Variants in ESRRB observed in about 807,000 individuals in gnomAD.
ESRRB encodes steroid hormone receptor ERR2.
A neutral mutation model predicts 46.0 loss-of-function variants in ESRRB; 16 were observed. That is an observed-to-expected ratio of 0.35 (90% CI 0.24 to 0.53). The LOEUF is 0.53. ESRRB is among the 20% of genes least tolerant of loss of function. The probability of loss-of-function intolerance (pLI) is 0.93; values close to 1 mark genes in which losing one functional copy is unlikely to be tolerated. For synonymous variants in ESRRB, 246 were observed against 259.6 expected (o/e 0.95, Z 0.50); for missense variants, 488 against 607.4 (o/e 0.80, Z 2.07).
intron 3 of ESRRB, among the ~76,000 whole-genome samples, chr14:76,463,742 C>T (rs1215781777): frequency 2.6e-5 from 4 of 151,950 alleles, no homozygotes; most frequent in East Asian, 1.9e-4. Context: ...CCACCGCACC[C>T]GGCCTCTTTT....
chr14:76,481,360 C>A (rs904061079), intron 3 of ESRRB, among the ~76,000 whole-genome samples: 1 of 152,210 alleles, frequency 6.6e-6, no homozygotes. Flanking sequence ...TAAACTCTCA[C>A]TCCTGGAAGT....
intron 1 of ESRRB, among the ~76,000 whole-genome samples, chr14:76,399,565 A>C (rs1885848145): frequency 6.6e-6 from 1 of 152,190 alleles, no homozygotes; most frequent in South Asian, 2.1e-4. Context: ...TTTAATGTTT[A>C]ATGCAGCCAA....
At chr14:76,410,202 C>T (rs113251735) in intron 1 of ESRRB, among the ~76,000 whole-genome samples, 2,455 of 152,154 alleles carry the variant, frequency 0.016, 71 homozygotes, top group African/African-American at 0.057. Flanking sequence ...CCAGCCTGGG[C>T]GACAGAGCAA....
chr14:76,500,825 TG>T lies in ESRRB; in HGVS notation c.*2371del. 2 of 1,285,380 alleles carry T rather than the reference TG, an allele frequency of 1.6e-6. No homozygotes were observed. Among genetic ancestry groups the T allele is most frequent in the Non-Finnish European group, 2.3e-6 (2 of 880,902 alleles). 79.6% of individuals were successfully genotyped at this position (1,285,380 alleles called of 1,614,324 possible). A position where few individuals can be genotyped will look rare whatever the true frequency, so the allele number is the denominator to read the frequency against. ...TCACTTCAGAGCCCCTCTAGCAGAG[TG>T]GGGCGGAAGTCCTGATGGTTGGTGT... is the stretch of plus-strand genomic sequence containing the variant. On this transcript the variant is annotated 3_prime_UTR_variant, in exon 7 of 7. Transcript: ENST00000644823.
chr14:76,437,509 G>A (rs1271711722), intron 1 of ESRRB, among the ~76,000 whole-genome samples: 2 of 152,214 alleles, frequency 1.3e-5, no homozygotes, highest in Non-Finnish European at 2.9e-5. Flanking sequence ...CCACCCAAGA[G>A]TCGTCTTTCC....
At chr14:76,412,339 A>G (rs1886479334) in intron 1 of ESRRB, among the ~76,000 whole-genome samples, 1 of 152,198 alleles carries the variant, frequency 6.6e-6, no homozygotes. Context: ...GAGTGGAGGT[A>G]GTTCCCTTTC....
chr14:76,479,177 C>T (rs925311194), intron 3 of ESRRB, among the ~76,000 whole-genome samples: 2 of 152,220 alleles, frequency 1.3e-5, no homozygotes, highest in East Asian at 1.9e-4. Context: ...AGGAAGACAG[C>T]GGAGACTGCT....
intron 1 of ESRRB, among the ~76,000 whole-genome samples, chr14:76,398,366 C>T (rs1885788945): frequency 6.6e-6 from 1 of 152,186 alleles, no homozygotes; most frequent in African/African-American, 2.4e-5. Flanking sequence ...CTGGACACAC[C>T]TGCAGAAGAC....
At chr14:76,447,007 A>C (rs1888174571) in intron 2 of ESRRB, among the ~76,000 whole-genome samples, 1 of 152,068 alleles carries the variant, frequency 6.6e-6, no homozygotes, top group Non-Finnish European at 1.5e-5. Context: ...TTATTGAGAA[A>C]CTAGAACTCC....
chr14:76,412,800 G>A (rs527837607), intron 1 of ESRRB, among the ~76,000 whole-genome samples: 2 of 152,328 alleles, frequency 1.3e-5, no homozygotes, highest in Admixed American at 1.3e-4. Context: ...AAAGGTGGGT[G>A]GGGGAAATAA....
chr14:76,334,184 G>A (rs1354086471), intron 1 of ESRRB, among the ~76,000 whole-genome samples: 1 of 152,174 alleles, frequency 6.6e-6, no homozygotes, highest in East Asian at 1.9e-4. Context: ...AGAATGAAGA[G>A]CAGGAAGCCA....
At chr14:76,477,135 T>C (rs901665304) in intron 3 of ESRRB, among the ~76,000 whole-genome samples, 2 of 152,052 alleles carry the variant, frequency 1.3e-5, no homozygotes, top group African/African-American at 4.8e-5. Context: ...TTTGGTGGGG[T>C]TCCATCTTCC....
At chr14:76,454,509 T>A (rs1161817915) in intron 2 of ESRRB, among the ~76,000 whole-genome samples, 1 of 152,102 alleles carries the variant, frequency 6.6e-6, no homozygotes, top group Non-Finnish European at 1.5e-5. Flanking sequence ...GGAGGCCATG[T>A]GAGAGCTGTG....
chr14:76,496,296 TGA>T (rs1890421927), intron 6 of ESRRB, among the ~76,000 whole-genome samples: 1 of 141,212 alleles, frequency 7.1e-6, no homozygotes, highest in Admixed American at 7.1e-5. Flanking sequence ...ATTCCTGACA[TGA>T]GAGAGGATCA....
intron 1 of ESRRB, among the ~76,000 whole-genome samples, chr14:76,314,448 C>T (rs1043328820): frequency 6.6e-6 from 1 of 152,174 alleles, no homozygotes; most frequent in Non-Finnish European, 1.5e-5. Flanking sequence ...GCTCAATTTG[C>T]TAGCAGCTAG....
chr14:76,361,889 T>C (rs1223356316), intron 1 of ESRRB, among the ~76,000 whole-genome samples: 1 of 152,110 alleles, frequency 6.6e-6, no homozygotes, highest in Non-Finnish European at 1.5e-5. Context: ...TTTGGGAAGA[T>C]ATGTTTGGTC....
At position 76,491,572 on chromosome 14, in the gene ESRRB, T is replaced by TCC; in HGVS notation, c.976_977insCC (p.Tyr326SerfsTer39). ...CGACAAGCTGGTGTACGCTGAGGACTACATCATGGATGAGGAGCACTCCCG... is the reference window on the plus strand; with the variant it reads ...CGACAAGCTGGTGTACGCTGAGGACTCCACATCATGGATGAGGAGCACTCCCG... On this transcript the variant is annotated frameshift_variant, in exon 6 of 7. Coordinates refer to ENST00000644823, the MANE Select transcript of ESRRB (RefSeq NM_001379180.1). LOFTEE classifies it high-confidence loss of function. 1 of 1,592,428 alleles carries TCC rather than the reference T, an allele frequency of 6.3e-7. No homozygotes were observed. The highest frequency in any genetic ancestry group is 1.1e-5 in the South Asian group (1 of 87,662).
At chr14:76,367,200 C>T (rs1449025460), upstream of ESRRB, among the ~76,000 whole-genome samples, 2 of 151,944 alleles carry the variant, frequency 1.3e-5, no homozygotes, top group Non-Finnish European at 2.9e-5. Context: ...CTGGCCACCA[C>T]TGCATCCAGC....
intron 1 of ESRRB, among the ~76,000 whole-genome samples, chr14:76,351,151 T>G (rs1884309129): frequency 6.6e-6 from 1 of 152,188 alleles, no homozygotes; most frequent in African/African-American, 2.4e-5. Context: ...AGAACCTGGA[T>G]GAGGGAGCAC....
Sources: gnomAD v4.1 joint callset for allele counts (sites outside exome capture counted in the v4.1 genomes callset) on GRCh38, gnomAD v4.1.1 for gene constraint, MANE v1.5 for transcripts, NCBI Gene and HGNC (gene_info 2026-07-23, HGNC 2026-07-21) for gene names.